MCTP2: variants seen among roughly 807,000 people sequenced by gnomAD.
The protein encoded by MCTP2 is multiple C2 and transmembrane domain containing 2.
Under a neutral mutation model 111.6 loss-of-function variants are expected in MCTP2, and 132 were observed. The observed-to-expected ratio is 1.18, with a 90% CI of 1.03 to 1.37. MCTP2 has a LOEUF of 1.37. Ranked by LOEUF, MCTP2 falls within the 40% of genes most tolerant of loss-of-function variation. MCTP2 has a pLI of 0.00. For synonymous variants in MCTP2, 395 were observed against 387.7 expected (o/e 1.02, Z -0.22); for missense variants, 1,183 against 1,067.9 (o/e 1.11, Z -1.50).
intron 17 of MCTP2, among the ~76,000 whole-genome samples, chr15:94,409,574 C>A (rs561624870): frequency 6.6e-6 from 1 of 152,134 alleles, no homozygotes; most frequent in South Asian, 2.1e-4. Flanking sequence ...TCCAGAGATA[C>A]CCTACTGAGC....
chr15:94,297,770 G>T (rs1017824398), intron 1 of MCTP2, among the ~76,000 whole-genome samples: 2 of 152,138 alleles, frequency 1.3e-5, no homozygotes, highest in Non-Finnish European at 2.9e-5. Context: ...TTAATAACTG[G>T]CCCTGCACTG....
chr15:94,394,119 T>C (rs1213099576), intron 14 of MCTP2, among the ~76,000 whole-genome samples: 1 of 151,818 alleles, frequency 6.6e-6, no homozygotes, highest in Non-Finnish European at 1.5e-5. Flanking sequence ...TCATGATTTA[T>C]TCAATTATGA....
At chr15:94,250,719 T>C (rs1347891836) in intron 1 of MCTP2, among the ~76,000 whole-genome samples, 1 of 152,194 alleles carries the variant, frequency 6.6e-6, no homozygotes, top group Non-Finnish European at 1.5e-5. Context: ...AAGAGAAATG[T>C]GGCCTGAAAG....
intron 13 of MCTP2, 105 bp downstream of exon 13, chr15:94,384,229 A>G (rs774060496): frequency 1.4e-6 from 1 of 706,674 alleles, no homozygotes; most frequent in Non-Finnish European, 2.4e-6. Flanking sequence ...AGTAAATTTT[A>G]TTGTTTTTTT....
At chr15:94,307,039 C>T (rs371104901) in intron 2 of MCTP2, among the ~76,000 whole-genome samples, 1 of 152,102 alleles carries the variant, frequency 6.6e-6, no homozygotes, top group Non-Finnish European at 1.5e-5. Flanking sequence ...GCAGGTGTGT[C>T]AGCTACATCC....
chr15:94,402,507 CT>C lies in MCTP2; in HGVS notation c.2085+489del, dbSNP rs1204174444. 15 of 1,551,798 alleles carry C rather than the reference CT, an allele frequency of 9.7e-6. 1 individual carries two copies. The highest frequency in any genetic ancestry group is 4.9e-5 in the East Asian group (2 of 40,918). On this transcript the variant is annotated intron_variant, in intron 17 of 22. Transcript: ENST00000357742. ...TCAGCACCGCAAAGAGGAACCACCC[CT>C]GTCTATGAAATGTACCCTTTTCTCT...
At chr15:94,252,081 T>A (rs777035355) in intron 1 of MCTP2, among the ~76,000 whole-genome samples, 1 of 152,244 alleles carries the variant, frequency 6.6e-6, no homozygotes, top group Non-Finnish European at 1.5e-5. Flanking sequence ...GCTAGGAACA[T>A]CGGTGTACAA....
intron 4 of MCTP2, among the ~76,000 whole-genome samples, chr15:94,325,007 A>G (rs376075195): frequency 3.0e-4 from 45 of 152,294 alleles, no homozygotes; most frequent in African/African-American, 1.1e-3. Context: ...GTACTGAAGT[A>G]TTCATTCTGG....
chr15:94,418,464 A>T (rs567134131), intron 17 of MCTP2, among the ~76,000 whole-genome samples: 56 of 152,222 alleles, frequency 3.7e-4, no homozygotes, highest in Non-Finnish European at 7.1e-4. Flanking sequence ...CAGACTTTCA[A>T]CTGCTCAATT....
At chr15:94,251,275 C>A (rs2072401783) in intron 1 of MCTP2, among the ~76,000 whole-genome samples, 1 of 152,184 alleles carries the variant, frequency 6.6e-6, no homozygotes, top group Non-Finnish European at 1.5e-5. Flanking sequence ...CCTGTACATT[C>A]ATTCCAACTT....
intron 2 of MCTP2, among the ~76,000 whole-genome samples, chr15:94,310,852 A>G (rs1596325220): frequency 1.3e-5 from 2 of 151,768 alleles, no homozygotes; most frequent in East Asian, 1.9e-4. Context: ...AGGCAGGAGG[A>G]TGGCTTAAAG....
chr15:94,307,670 CG>C, intron 2 of MCTP2, among the ~76,000 whole-genome samples: 1 of 152,216 alleles, frequency 6.6e-6, no homozygotes, highest in Non-Finnish European at 1.5e-5. Context: ...CGTTGGCACA[CG>C]GGCAGTGCTT....
At chr15:94,476,363 G>T in intron 21 of MCTP2, 1 of 173,474 alleles carries the variant, frequency 5.8e-6, no homozygotes, top group East Asian at 1.7e-4. Context: ...TGTTTCTGTC[G>T]CCCTGCTGCT....
At chr15:94,361,224 C>G (rs1037069459) in intron 10 of MCTP2, among the ~76,000 whole-genome samples, 1 of 149,122 alleles carries the variant, frequency 6.7e-6, no homozygotes, top group African/African-American at 2.5e-5. Flanking sequence ...GCAAATGTAT[C>G]GTAACTCTCC....
At chr15:94,350,681 T>C (rs1366845511) in intron 8 of MCTP2, among the ~76,000 whole-genome samples, 3 of 152,232 alleles carry the variant, frequency 2.0e-5, no homozygotes, top group Non-Finnish European at 4.4e-5. Flanking sequence ...GTAGGGTTGC[T>C]TATAAAGTAT....
At chr15:94,337,160 C>T (rs1596394507) in intron 4 of MCTP2, among the ~76,000 whole-genome samples, 1 of 152,308 alleles carries the variant, frequency 6.6e-6, no homozygotes, top group East Asian at 1.9e-4. Context: ...GCTCCCCCTT[C>T]TCTCAAATTT....
At chr15:94,256,302 C>T (rs1261216146) in intron 1 of MCTP2, among the ~76,000 whole-genome samples, 1 of 152,074 alleles carries the variant, frequency 6.6e-6, no homozygotes, top group Non-Finnish European at 1.5e-5. Context: ...CAAGACATCT[C>T]ATTATGTATA....
intron 10 of MCTP2, 90 bp from the exon 11 acceptor site, chr15:94,367,515 A>T: frequency 3.0e-6 from 3 of 1,002,796 alleles, no homozygotes; most frequent in Non-Finnish European, 4.4e-6. Flanking sequence ...GTTTTGGGGG[A>T]TGATGAAATC....
chr15:94,298,389 C>T lies in MCTP2; in HGVS notation c.124C>T (p.His42Tyr), dbSNP rs760330976. Residue 42 changes from histidine to tyrosine, a missense_variant, in exon 2 of 23, where the codon CAT becomes TAT. Coordinates refer to ENST00000357742, the MANE Select transcript of MCTP2 (RefSeq NM_001385001.1). ...PSKPPDLRAR[H>Y]HLDRRLSLSV... is the part of the protein sequence containing the mutation. ...TAAGCCCCCAGATCTACGGGCAAGG[C>T]ATCACTTGGACCGCCGTCTCAGCCT... The T allele has an allele frequency of 8.7e-6, 14 of 1,614,046 alleles. No homozygotes were observed. Among genetic ancestry groups the T allele is most frequent in the East Asian group, 2.2e-5 (1 of 44,886 alleles).
Sources: gnomAD v4.1 joint callset for allele counts (sites outside exome capture counted in the v4.1 genomes callset) on GRCh38, gnomAD v4.1.1 for gene constraint, MANE v1.5 for transcripts, NCBI Gene and HGNC (gene_info 2026-07-23, HGNC 2026-07-21) for gene names.